MLLT1: variants seen among roughly 807,000 people sequenced by gnomAD.
MLLT1 encodes MLLT1 super elongation complex subunit.
In MLLT1, 11 loss-of-function variants were observed where a neutral mutation model predicts 55.1. That is an observed-to-expected ratio of 0.20 (90% CI 0.13 to 0.33). MLLT1 has a LOEUF of 0.33. Ranked by LOEUF, MLLT1 falls within the 10% of genes least tolerant of loss-of-function variation. The pLI is 1.00. For synonymous variants in MLLT1, 323 were observed against 320.1 expected (o/e 1.01, Z -0.10); for missense variants, 536 against 760.6 (o/e 0.70, Z 3.47).
At chr19:6,259,240 C>A in intron 3 of MLLT1, 1 of 152,438 alleles carries the variant, frequency 6.6e-6, no homozygotes, top group Non-Finnish European at 1.5e-5. Flanking sequence ...GAGGAGTAAG[C>A]CATGGCTAAC....
chr19:6,231,935 T>C lies in MLLT1; in HGVS notation c.277-1222A>G, dbSNP rs1350301146. Among the ~76,000 whole-genome samples, 3 of 152,080 alleles carry C rather than the reference T, an allele frequency of 2.0e-5. No homozygotes were observed. Among genetic ancestry groups the C allele is most frequent in the African/African-American group, 7.2e-5 (3 of 41,422 alleles). On this transcript the variant is annotated intron_variant, in intron 3 of 11. Coordinates refer to ENST00000252674, the MANE Select transcript of MLLT1 (RefSeq NM_005934.4). This position sits in a 1 kb window ranked among gnomAD's most constrained non-coding sequence, Gnocchi z 5.1. Reference sequence around the variant, plus strand: ...ATGTCACACGGAAGAAGGGAGGTTTTCATGGAAACAACGTGCATGGGCCGG... The same window carrying C: ...ATGTCACACGGAAGAAGGGAGGTTTCCATGGAAACAACGTGCATGGGCCGG...
chr19:6,212,815 C>A lies in MLLT1; in HGVS notation c.*227G>T. On this transcript the variant is annotated 3_prime_UTR_variant, in exon 12 of 12. Transcript: ENST00000252674. ...GCTCTCTGAGGGGAGCCCAGAGAGC[C>A]CGGGGGGCGGCTCCCGTGTGGCCCA... is the stretch of plus-strand genomic sequence containing the variant. 1 of 907,856 alleles carries A rather than the reference C, an allele frequency of 1.1e-6. No individual in the cohort carries two copies. The highest frequency in any genetic ancestry group is 1.8e-5 in the African/African-American group (1 of 56,578). 56.2% of individuals were successfully genotyped at this position (907,856 alleles called of 1,614,324 possible). A position where few individuals can be genotyped will look rare whatever the true frequency, so the allele number is the denominator to read the frequency against.
chr19:6,272,972 T>C (rs2091406775), intron 1 of MLLT1, among the ~76,000 whole-genome samples: 1 of 152,220 alleles, frequency 6.6e-6, no homozygotes, highest in Admixed American at 6.5e-5. Context: ...TAAAAATTAA[T>C]TTTTAAAAGG....
At chr19:6,213,672 T>TGGC in intron 10 of MLLT1, 54 bp downstream of exon 10, 27 of 1,075,330 alleles carry the variant, frequency 2.5e-5, no homozygotes, top group Non-Finnish European at 3.7e-5. Context: ...TGGCTGCAAC[T>TGGC]CCCACCACCC....
At chr19:6,223,251 T>G (rs1288467325) in intron 5 of MLLT1, among the ~76,000 whole-genome samples, 1 of 152,144 alleles carries the variant, frequency 6.6e-6, no homozygotes, top group Non-Finnish European at 1.5e-5. Flanking sequence ...AGGCCTGGCT[T>G]CGGGAAGCCA....
Position 6,212,402 on chromosome 19 carries a change from C to T in MLLT1, c.*640G>A, listed in dbSNP as rs1447958762. 34 of 1,066,222 alleles carry T rather than the reference C, an allele frequency of 3.2e-5. No homozygotes were observed. The highest frequency in any genetic ancestry group is 4.1e-4 in the Middle Eastern group (1 of 2,410). 66.0% of individuals were successfully genotyped at this position (1,066,222 alleles called of 1,614,324 possible). ...AGACATCTTAACCTACAAGCCCCAC[C>T]GTACGCACCCCCCACCCACCCCACG... On this transcript the variant is annotated 3_prime_UTR_variant, in exon 12 of 12. Transcript: ENST00000252674.
intron 1 of MLLT1, among the ~76,000 whole-genome samples, chr19:6,276,214 T>A (rs746653989): frequency 6.6e-6 from 1 of 151,956 alleles, no homozygotes; most frequent in Non-Finnish European, 1.5e-5. Flanking sequence ...TTCCAGGGAG[T>A]AGCTTCAGAG....
chr19:6,230,708 C>T lies in MLLT1; in HGVS notation c.282G>A (p.Glu94=). 6.2e-7 allele frequency: 1 copy of T among 1,613,990 alleles called. No individual in the cohort carries two copies. Among genetic ancestry groups the T allele is most frequent in the South Asian group, 1.1e-5 (1 of 91,082 alleles). The change falls in exon 4 of 12, where the codon GAG becomes GAA. Residue 94 remains glutamate, a synonymous_variant. Transcript: ENST00000252674. This position sits in a 1 kb window ranked among gnomAD's most constrained non-coding sequence, Gnocchi z 9.0. ...CGTAGGTGAAGCAGACCTTCCTCGG[C>T]TCCTCCTGAAACAGAGAAAACAAGA... The part of the protein sequence containing the change: ...PIEVHFKNKE[E]PRKVCFTYDL...
In MLLT1 at chr19:6,230,509, G is replaced by A. The variant is rs979292189; in HGVS notation, c.420+61C>T. The stretch of plus-strand genomic sequence containing the variant: ...CGACACCTCTGGCTGGGCACAGACG[G>A]CCGCAGCAAAGTAGCCTCGGTGGAG... On this transcript the variant is annotated intron_variant, in intron 4 of 11. Transcript: ENST00000252674. The surrounding 1 kb of genome is among the most constrained non-coding windows in gnomAD (Gnocchi z 9.0). 6.3e-7 allele frequency: 1 copy of A among 1,593,218 alleles called. No individual in the cohort carries two copies. The highest frequency in any genetic ancestry group is 1.7e-5 in the Admixed American group (1 of 58,014).
At chr19:6,247,581 A>C (rs2091180439) in intron 3 of MLLT1, among the ~76,000 whole-genome samples, 2 of 152,204 alleles carry the variant, frequency 1.3e-5, no homozygotes, top group African/African-American at 2.4e-5. Context: ...CTTACTGAAA[A>C]ATTCCAGTTA....
chr19:6,244,490 C>T (rs1243398060), intron 3 of MLLT1, among the ~76,000 whole-genome samples: 1 of 152,016 alleles, frequency 6.6e-6, no homozygotes. Context: ...CGCCAGCGGA[C>T]AGCGAAAACA....
intron 3 of MLLT1, among the ~76,000 whole-genome samples, chr19:6,244,540 A>G (rs1419584171): frequency 1.3e-5 from 2 of 152,194 alleles, no homozygotes; most frequent in East Asian, 3.8e-4. Flanking sequence ...TTTCAGACAC[A>G]AAACCAGAAG....
chr19:6,211,815 C>A lies in MLLT1; in HGVS notation c.*1227G>T, dbSNP rs958119222. The A allele has an allele frequency of 2.8e-6, 3 of 1,064,082 alleles. No homozygotes were observed. The African/African-American group carries it at 4.9e-5, about 17-fold the overall frequency. 65.9% of individuals were successfully genotyped at this position (1,064,082 alleles called of 1,614,324 possible). Reference sequence around the variant, plus strand: ...TGGAAGAGTGGGCCGGGAAGGAGGACCGGCTTGGCCCCTGGAGAATCTCAG... The same window carrying A: ...TGGAAGAGTGGGCCGGGAAGGAGGAACGGCTTGGCCCCTGGAGAATCTCAG... On this transcript the variant is annotated 3_prime_UTR_variant, in exon 12 of 12. Transcript: ENST00000252674. The surrounding 1 kb of genome is among the most constrained non-coding windows in gnomAD (Gnocchi z 4.6).
At chr19:6,261,520 C>T (rs1429952526) in intron 3 of MLLT1, among the ~76,000 whole-genome samples, 1 of 151,858 alleles carries the variant, frequency 6.6e-6, no homozygotes, top group Non-Finnish European at 1.5e-5. Flanking sequence ...GGGCCAGCTG[C>T]ACTTGTGGGA....
At chr19:6,228,126 A>C (rs1184657084) in intron 4 of MLLT1, among the ~76,000 whole-genome samples, 1 of 152,128 alleles carries the variant, frequency 6.6e-6, no homozygotes, top group Non-Finnish European at 1.5e-5. Flanking sequence ...ATGATAGCTC[A>C]GCACTGACAG....
chr19:6,228,078 G>C (rs1404058921), intron 4 of MLLT1, among the ~76,000 whole-genome samples: 1 of 152,154 alleles, frequency 6.6e-6, no homozygotes, highest in African/African-American at 2.4e-5. Context: ...GGCCCCTAGG[G>C]TCCCTGCTCT....
intron 3 of MLLT1, among the ~76,000 whole-genome samples, chr19:6,244,081 T>G (rs2091143556): frequency 6.7e-6 from 1 of 150,030 alleles, no homozygotes; most frequent in South Asian, 2.1e-4. Context: ...CAATCTCGCT[T>G]CTTAAGAGAA....
rs376183972 is a variant in MLLT1, at chr19:6,226,950, C to A, written c.546+27G>T. The A allele has an allele frequency of 6.5e-7, 1 of 1,541,104 alleles. No homozygotes were observed. Among genetic ancestry groups the A allele is most frequent in the Non-Finnish European group, 8.7e-7 (1 of 1,145,220 alleles). On this transcript the variant is annotated intron_variant, in intron 5 of 11. Transcript: ENST00000252674. This position sits in a 1 kb window ranked among gnomAD's most constrained non-coding sequence, Gnocchi z 6.3. ...CCACAGCTGGGCCCCGGCGCTCCCA[C>A]GCGACTGGGCCTTCCGCCTCACTAA...
intron 2 of MLLT1, among the ~76,000 whole-genome samples, chr19:6,269,447 G>C (rs1160369065): frequency 6.6e-6 from 1 of 152,262 alleles, no homozygotes; most frequent in Non-Finnish European, 1.5e-5. Flanking sequence ...GGCTTAGAGA[G>C]GGAGGAAGGA....
Sources: gnomAD v4.1 joint callset for allele counts (sites outside exome capture counted in the v4.1 genomes callset) on GRCh38, gnomAD v4.1.1 for gene constraint, Gnocchi (gnomAD v3.1) non-coding constraint, MANE v1.5 for transcripts, NCBI Gene and HGNC (gene_info 2026-07-23, HGNC 2026-07-21) for gene names.